Variants in LMAN1L observed in about 807,000 individuals in gnomAD.
LMAN1L encodes lectin, mannose binding 1 like.
In LMAN1L, 60 loss-of-function variants were observed where a neutral mutation model predicts 58.3. That is an observed-to-expected ratio of 1.03 (90% CI 0.84 to 1.27). The LOEUF is 1.27. Ranked by LOEUF, LMAN1L falls within the 50% of genes most tolerant of loss-of-function variation. The pLI is 0.00. For missense variants in LMAN1L, 629 were observed against 674.0 expected, an observed-to-expected ratio of 0.93 and a Z score of 0.74; for synonymous variants, 280 against 271.6, an observed-to-expected ratio of 1.03 and a Z score of -0.31.
At chr15:74,816,929 A>G (rs2141114258) in intron 4 of LMAN1L, among the ~76,000 whole-genome samples, 1 of 152,280 alleles carries the variant, frequency 6.6e-6, no homozygotes, top group Admixed American at 6.5e-5. Flanking sequence ...CTTTGCTCCC[A>G]TGATCTCATC....
At position 74,824,077 on chromosome 15, in the gene LMAN1L, G is replaced by A. The variant is rs1469060196; in HGVS notation, c.1324-274G>A. 3 of 524,548 alleles carry A rather than the reference G, an allele frequency of 5.7e-6. No homozygotes were observed. The South Asian group carries it at 8.1e-5, about 14-fold the overall frequency. The allele number at this position is 524,548 out of a possible 1,614,324, so 32.5% of individuals were successfully genotyped here. On this transcript the variant is annotated intron_variant, in intron 12 of 13. Transcript: ENST00000309664. ...CCCTCACCCTGCTCACCCTGTCTTT[G>A]GCTCTTTACTTCTCTCTTCTCTTCT...
In LMAN1L at chr15:74,816,469, C is replaced by A; in HGVS notation, c.373C>A (p.Leu125Ile). 1 of 1,552,578 alleles carries A rather than the reference C, an allele frequency of 6.4e-7. No homozygotes were observed. The highest frequency in any genetic ancestry group is 8.7e-7 in the Non-Finnish European group (1 of 1,145,776). ...GGGCAGGGGCCATGTAGGCTCTGTC[C>A]TTGGGGGGCTGGCTTCGTGGGACGG... ...TRGRGHVGSV[L>I]GGLASWDGIG... The change falls in exon 3 of 14, where the codon CTT becomes ATT. Residue 125 changes from leucine to isoleucine, a missense_variant. Coordinates refer to ENST00000309664, the MANE Select transcript of LMAN1L (RefSeq NM_021819.3).
At position 74,820,473 on chromosome 15, in the gene LMAN1L, ATGG is replaced by A. The variant is rs1348624288; in HGVS notation, c.775-158_775-156del. The A allele has an allele frequency of 3.5e-5, 31 of 885,976 alleles. No individual in the cohort carries two copies. The East Asian group carries it at 7.2e-4, about 21-fold the overall frequency. The allele number at this position is 885,976 out of a possible 1,614,324, so 54.9% of individuals were successfully genotyped here. Reference sequence around the variant, plus strand: ...CTTGAGGCCACAGCAGGGAGGGAAGATGGTGGGGATCTGCGTGAAGGCAGAACT... The same window carrying A: ...CTTGAGGCCACAGCAGGGAGGGAAGATGGGGATCTGCGTGAAGGCAGAACT... On this transcript the variant is annotated intron_variant, in intron 7 of 13. Transcript: ENST00000309664.
At chr15:74,814,609 G>A (rs1368929620) in intron 1 of LMAN1L, among the ~76,000 whole-genome samples, 7 of 152,234 alleles carry the variant, frequency 4.6e-5, no homozygotes, top group Admixed American at 6.5e-5. Flanking sequence ...TCCTGACCTC[G>A]TGATCCGCCC....
Position 74,824,395 on chromosome 15 carries a change from G to A in LMAN1L, c.1368G>A (p.Arg456=). 6.2e-7 allele frequency: 1 copy of A among 1,613,964 alleles called. No homozygotes were observed. Among genetic ancestry groups the A allele is most frequent in the Admixed American group, 1.7e-5 (1 of 60,024 alleles). The change falls in exon 13 of 14, where the codon AGG becomes AGA. Residue 456 remains arginine (R), a synonymous_variant. Transcript: ENST00000309664. ...CCCGCCCACCTGGCCAGCCCCCAAG[G>A]GCCTCCTCGTGCCTGCAGCCTGGCA... ...KAPRPPGQPP[R]ASSCLQPGIF...
chr15:74,825,421 CA>C, intron 13 of LMAN1L, 54 bp from the exon 14 acceptor site: 3 of 1,562,124 alleles, frequency 1.9e-6, no homozygotes, highest in Non-Finnish European at 2.6e-6. Flanking sequence ...CCTGGTTTTT[CA>C]AAAGCCCATA....
At chr15:74,824,102 T>C (rs2063930078) in intron 12 of LMAN1L, 1 of 560,646 alleles carries the variant, frequency 1.8e-6, no homozygotes, top group East Asian at 2.9e-5. Context: ...TCTTCTCTTC[T>C]CTTGAACCCT....
chr15:74,822,471 G>A (rs1478121422), intron 10 of LMAN1L, among the ~76,000 whole-genome samples, 171 bp from the exon 11 acceptor site: 1 of 152,218 alleles, frequency 6.6e-6, no homozygotes, highest in African/African-American at 2.4e-5. Flanking sequence ...GAGGGGGAAT[G>A]TGGATGCCCT....
In LMAN1L at chr15:74,821,252, G is replaced by C. The variant is rs565882150; in HGVS notation, c.1059+26G>C. 3.2e-6 allele frequency: 5 copies of C among 1,545,928 alleles called. No homozygotes were observed. In the East Asian group the frequency reaches 9.8e-5, roughly 30 times the overall value. Reference sequence around the variant, plus strand: ...GTGAGAAGCCCTACAGGCATCCAAGGCTCCACCTGCGGGCCTGAAAGAGGA... The same window carrying C: ...GTGAGAAGCCCTACAGGCATCCAAGCCTCCACCTGCGGGCCTGAAAGAGGA... On this transcript the variant is annotated intron_variant, in intron 9 of 13. Transcript: ENST00000309664.
At chr15:74,821,718 C>G in intron 9 of LMAN1L, 111 bp from the exon 10 acceptor site, 1 of 720,110 alleles carries the variant, frequency 1.4e-6, no homozygotes, top group Non-Finnish European at 2.4e-6. Context: ...TGGGCTCTGA[C>G]AGCTCGAGGT....
At chr15:74,816,748 C>T (rs568848871) in intron 4 of LMAN1L, 58 bp downstream of exon 4, 167 of 1,499,378 alleles carry the variant, frequency 1.1e-4, no homozygotes, top group Non-Finnish European at 1.3e-4. Flanking sequence ...AGGGGCCCAT[C>T]CCCCCCATCC....
chr15:74,821,808 C>T lies in LMAN1L; in HGVS notation c.1060-21C>T, dbSNP rs749581235. ...AGGGGACTTACACTCCAGGGCCAAG[C>T]CTCTCTGATCCTATCCCCAGGCCCT... On this transcript the variant is annotated intron_variant, in intron 9 of 13. Coordinates refer to ENST00000309664, the MANE Select transcript of LMAN1L (RefSeq NM_021819.3). 3.2e-6 allele frequency: 5 copies of T among 1,582,950 alleles called. No individual in the cohort carries two copies. The East Asian group carries it at 1.1e-4, about 35-fold the overall frequency.
intron 1 of LMAN1L, 37 bp from the exon 2 acceptor site, chr15:74,816,120 T>C (rs1358406074): frequency 2.0e-6 from 3 of 1,533,960 alleles, no homozygotes; most frequent in Non-Finnish European, 2.6e-6. Flanking sequence ...AGATGGGGTG[T>C]AGTGGAGCCT....
chr15:74,822,616 C>T (rs1311583896), intron 10 of LMAN1L, 26 bp from the exon 11 acceptor site: 1 of 1,604,114 alleles, frequency 6.2e-7, no homozygotes, highest in Non-Finnish European at 8.5e-7. Flanking sequence ...GTCCTGGGCC[C>T]TAGACAAGAG....
At position 74,819,239 on chromosome 15, in the gene LMAN1L, T is replaced by C. The variant is rs760191441; in HGVS notation, c.685T>C (p.Phe229Leu). Residue 229 changes from phenylalanine (F) to leucine (L), a missense_variant, in exon 6 of 14, where the codon TTT becomes CTT. Phe to Leu is a conservative substitution (Grantham distance 22). This residue lies in a region of LMAN1L where 573 missense variants were observed against 597.3 expected (regional missense o/e 0.96). Coordinates refer to ENST00000309664, the MANE Select transcript of LMAN1L (RefSeq NM_021819.3). ...CCTGCTTTTGGTCCCTGGAGGTTTC[T>C]TTGGGGTCTCAGCAGCCACCGGCAC... ...GPLLLVPGGFFGVSAATGTLA... is the reference protein window; with the variant it reads ...GPLLLVPGGFLGVSAATGTLA... 6.2e-7 allele frequency: 1 copy of C among 1,614,194 alleles called. No homozygotes were observed. Among genetic ancestry groups the C allele is most frequent in the African/African-American group, 1.3e-5 (1 of 75,062 alleles).
In LMAN1L at chr15:74,823,595, C is replaced by A. The variant is rs370295298; in HGVS notation, c.1236C>A (p.Val412=). 3 of 1,613,818 alleles carry A rather than the reference C, an allele frequency of 1.9e-6. No individual in the cohort carries two copies. Among genetic ancestry groups the A allele is most frequent in the East Asian group, 2.2e-5 (1 of 44,896 alleles). Residue 412 remains valine (V), a synonymous_variant, in exon 12 of 14, where the codon GTC becomes GTA. Transcript: ENST00000309664. ...AAVRMAAEAQ[V]SYLPVGIEHH... is the part of the protein sequence containing the mutation. ...TCCGCATGGCTGCAGAAGCCCAGGT[C>A]TCCTACCTGCCTGTGGGCATTGAGC...
At chr15:74,821,259 C>T (rs752415143) in intron 9 of LMAN1L, 33 bp downstream of exon 9, 12 of 1,544,334 alleles carry the variant, frequency 7.8e-6, no homozygotes, top group Non-Finnish European at 6.1e-6. Context: ...AAGGCTCCAC[C>T]TGCGGGCCTG....
intron 7 of LMAN1L, 144 bp from the exon 8 acceptor site, chr15:74,820,490 GA>G (rs927580851): frequency 4.0e-5 from 42 of 1,041,692 alleles, no homozygotes; most frequent in Non-Finnish European, 6.2e-5. Context: ...GGATCTGCGT[GA>G]AGGCAGAACT....
Position 74,825,531 on chromosome 15 carries a change from G to T in LMAN1L, c.1507G>T (p.Gly503Cys). 6.2e-7 allele frequency: 1 copy of T among 1,613,700 alleles called. No homozygotes were observed. Among genetic ancestry groups the T allele is most frequent in the African/African-American group, 1.3e-5 (1 of 74,972 alleles). Residue 503 changes from glycine to cysteine, a missense_variant, in exon 14 of 14, where the codon GGT becomes TGT. Physicochemically the swap from Gly to Cys is radical, Grantham distance 159 (BLOSUM62 -3). Transcript: ENST00000309664. Reference sequence around the variant, plus strand: ...TCTGTCCACAGGCAGCCTTCCTCTGGGTCCTGCACCACACACCCCCAGGGC... The same window carrying T: ...TCTGTCCACAGGCAGCCTTCCTCTGTGTCCTGCACCACACACCCCCAGGGC... Reference protein sequence around the residue: ...ECLSTGSLPLGPAPHTPRALG... With the variant: ...ECLSTGSLPLCPAPHTPRALG...
Sources: gnomAD v4.1 joint callset for allele counts (sites outside exome capture counted in the v4.1 genomes callset) on GRCh38, gnomAD v4.1.1 for gene constraint, gnomAD v4.1.1 regional missense constraint, MANE v1.5 for transcripts, NCBI Gene and HGNC (gene_info 2026-07-23, HGNC 2026-07-21) for gene names.